The following ARHGAP6 variants were observed in gnomAD, a reference collection of about 807,000 sequenced individuals.
ARHGAP6 encodes the protein rho GTPase-activating protein 6.
A neutral mutation model predicts 55.7 loss-of-function variants in ARHGAP6; 16 were observed. The ratio of observed to expected loss-of-function variants is 0.29; its 90% CI spans 0.19 to 0.44. ARHGAP6 has a LOEUF of 0.44. Ranked by LOEUF, ARHGAP6 falls within the 20% of genes least tolerant of loss-of-function variation. The pLI is 1.00. For synonymous variants in ARHGAP6, 382 were observed against 360.9 expected (o/e 1.06, Z -0.66); for missense variants, 698 against 808.9 (o/e 0.86, Z 1.66).
chrX:11,209,152 TTTTA>T lies in ARHGAP6; in HGVS notation c.749-12160_749-12157del, dbSNP rs1367145724. ...TTACATGTTACACTTACATATTTTATTTTATTTGAGACAGAGTCTCACTCTGTTG... is the reference window on the plus strand; with the variant it reads ...TTACATGTTACACTTACATATTTTATTTTGAGACAGAGTCTCACTCTGTTG... On this transcript the variant is annotated intron_variant, in intron 2 of 12. Transcript: ENST00000337414. Among the ~76,000 whole-genome samples the T allele has an allele frequency of 5.3e-5, 6 of 112,335 alleles. No individual in the cohort carries two copies. In the Admixed American group the frequency reaches 5.7e-4, roughly 11 times the overall value.
chrX:11,646,930 ATATAT>A (rs2052534831), intron 1 of ARHGAP6, among the ~76,000 whole-genome samples: 1 of 112,254 alleles, frequency 8.9e-6, no homozygotes, highest in Admixed American at 9.5e-5. Flanking sequence ...GTCTTCCAAA[ATATAT>A]TTAATTAGTG....
At chrX:11,432,422 T>C (rs1603204750) in intron 1 of ARHGAP6, among the ~76,000 whole-genome samples, 1 of 112,125 alleles carries the variant, frequency 8.9e-6, no homozygotes, top group African/African-American at 3.2e-5. Flanking sequence ...ATTATACATA[T>C]CTCCTTGTGC....
At chrX:11,539,282 T>G (rs2051133926) in intron 1 of ARHGAP6, among the ~76,000 whole-genome samples, 1 of 112,143 alleles carries the variant, frequency 8.9e-6, no homozygotes, top group South Asian at 3.7e-4. Context: ...CTTTCTTGGT[T>G]GAGAACCACT....
At chrX:11,148,748 A>G (rs1284807997) in intron 10 of ARHGAP6, 3 of 366,057 alleles carry the variant, frequency 8.2e-6, no homozygotes, top group Non-Finnish European at 1.6e-5. Context: ...CTCCGGTTCA[A>G]TCACCGGATG....
chrX:11,545,334 A>G (rs1028076726), intron 1 of ARHGAP6, among the ~76,000 whole-genome samples: 2 of 112,583 alleles, frequency 1.8e-5, no homozygotes, highest in African/African-American at 6.5e-5. Context: ...AGACTGAGGT[A>G]TATCTCTAGT....
intron 1 of ARHGAP6, among the ~76,000 whole-genome samples, chrX:11,623,045 G>A (rs1396260739): frequency 9.0e-6 from 1 of 111,592 alleles, no homozygotes; most frequent in Non-Finnish European, 1.9e-5. Context: ...TCAACATAGT[G>A]CTGGATGTCA....
intron 1 of ARHGAP6, among the ~76,000 whole-genome samples, chrX:11,486,895 A>T (rs2050516186): frequency 8.9e-6 from 1 of 111,908 alleles, no homozygotes; most frequent in Non-Finnish European, 1.9e-5. Context: ...GAGGAAGCAC[A>T]GGGTGGGGTG....
At position 11,150,947 on chromosome X, in the gene ARHGAP6, A is replaced by G. The variant is rs1241105944; in HGVS notation, c.1907+5582T>C. ...GCATTAGCTTGGATTTTTAAAAAATATTACATTGCAATATAATCAATTTTG... is the reference window on the plus strand; with the variant it reads ...GCATTAGCTTGGATTTTTAAAAAATGTTACATTGCAATATAATCAATTTTG... On this transcript the variant is annotated intron_variant, in intron 10 of 12. Transcript: ENST00000337414. Among the ~76,000 whole-genome samples the G allele has an allele frequency of 1.2e-4, 13 of 112,267 alleles. 1 individual carries two copies. The highest frequency in any genetic ancestry group is 2.4e-4 in the Non-Finnish European group (13 of 53,317).
chrX:11,367,725 G>A, intron 1 of ARHGAP6: 3 of 661,467 alleles, frequency 4.5e-6, no homozygotes, highest in Non-Finnish European at 3.6e-6. Context: ...TGTGCTTGTG[G>A]CTGGCTAATG....
chrX:11,613,168 C>A (rs763666066), intron 1 of ARHGAP6, among the ~76,000 whole-genome samples: 2 of 112,007 alleles, frequency 1.8e-5, no homozygotes, highest in Middle Eastern at 4.6e-3. Context: ...TTATGTGTGA[C>A]CAAACTTAAG....
At chrX:11,275,768 A>G (rs878869613) in intron 1 of ARHGAP6, among the ~76,000 whole-genome samples, 7 of 111,491 alleles carry the variant, frequency 6.3e-5, no homozygotes, top group Non-Finnish European at 1.3e-4. Flanking sequence ...TTTCAGCCAC[A>G]TGGAAGAGCC....
chrX:11,192,913 A>G (rs1309180639), intron 3 of ARHGAP6, among the ~76,000 whole-genome samples: 1 of 112,473 alleles, frequency 8.9e-6, no homozygotes, highest in Non-Finnish European at 1.9e-5. Flanking sequence ...TACTTTTGAC[A>G]CAGAAATTTT....
intron 1 of ARHGAP6, among the ~76,000 whole-genome samples, chrX:11,443,521 A>G (rs1441917335): frequency 1.8e-5 from 2 of 112,328 alleles, no homozygotes; most frequent in Non-Finnish European, 3.8e-5. Flanking sequence ...CCAGCAATGT[A>G]CAAGAGTTCC....
chrX:11,172,130 C>T (rs1349943343), intron 8 of ARHGAP6, among the ~76,000 whole-genome samples: 2 of 110,979 alleles, frequency 1.8e-5, no homozygotes, highest in Non-Finnish European at 3.8e-5. Flanking sequence ...CCACTCTCAT[C>T]CTGTGGCGTC....
intron 1 of ARHGAP6, among the ~76,000 whole-genome samples, chrX:11,415,907 A>G (rs1233200551): frequency 8.9e-6 from 1 of 111,759 alleles, no homozygotes; most frequent in East Asian, 2.8e-4. Flanking sequence ...CCACAGATCC[A>G]CTAGGATCCG....
intron 1 of ARHGAP6, among the ~76,000 whole-genome samples, chrX:11,403,505 ATATAT>A (rs1478223982): frequency 6.2e-5 from 7 of 112,532 alleles, no homozygotes; most frequent in African/African-American, 1.9e-4. Context: ...AATATTTCAG[ATATAT>A]TAGGTTAAAT....
chrX:11,288,164 A>G (rs760265413), intron 1 of ARHGAP6, among the ~76,000 whole-genome samples: 1 of 112,419 alleles, frequency 8.9e-6, no homozygotes, highest in South Asian at 3.7e-4. Flanking sequence ...TCCATTGTTC[A>G]TAGTTGCTTT....
At chrX:11,358,172 C>T (rs2048956570) in intron 1 of ARHGAP6, among the ~76,000 whole-genome samples, 1 of 112,136 alleles carries the variant, frequency 8.9e-6, no homozygotes, top group Non-Finnish European at 1.9e-5. Context: ...CTTTACTTAG[C>T]ATAACATTTT....
At chrX:11,551,676 A>G (rs1236338984) in intron 1 of ARHGAP6, among the ~76,000 whole-genome samples, 1 of 112,039 alleles carries the variant, frequency 8.9e-6, no homozygotes, top group Non-Finnish European at 1.9e-5. Context: ...TCCTAATCCA[A>G]TATGTCTGGT....
Sources: gnomAD v4.1 joint callset for allele counts (sites outside exome capture counted in the v4.1 genomes callset) on GRCh38, gnomAD v4.1.1 for gene constraint, MANE v1.5 for transcripts, NCBI Gene and HGNC (gene_info 2026-07-23, HGNC 2026-07-21) for gene names.